PTPN9: variants seen among roughly 807,000 people sequenced by gnomAD.
The protein encoded by PTPN9 is tyrosine-protein phosphatase non-receptor type 9.
In PTPN9, 26 loss-of-function variants were observed where a neutral mutation model predicts 69.8. The ratio of observed to expected loss-of-function variants is 0.37; its 90% CI spans 0.27 to 0.52. The LOEUF (loss-of-function observed/expected upper bound fraction) is 0.52, where lower values mean the gene tolerates loss of function less well. PTPN9 is among the 20% of genes least tolerant of loss of function. PTPN9 has a pLI of 0.91. For synonymous variants in PTPN9, 274 were observed against 272.5 expected (o/e 1.01, Z -0.05); for missense variants, 549 against 740.3 (o/e 0.74, Z 3.00).
chr15:75,527,476 G>C (rs528013236), intron 1 of PTPN9, among the ~76,000 whole-genome samples: 11 of 152,234 alleles, frequency 7.2e-5, no homozygotes, highest in Admixed American at 2.6e-4. Flanking sequence ...GCCAGATCTA[G>C]GTTCAGAAAA....
At chr15:75,556,036 CAAAA>C (rs75583219) in intron 1 of PTPN9, among the ~76,000 whole-genome samples, 1 of 43,280 alleles carries the variant, frequency 2.3e-5, no homozygotes, top group Non-Finnish European at 4.6e-5. Flanking sequence ...ACCCCCGTCT[CAAAA>C]AAAAAAAAAA....
intron 7 of PTPN9, among the ~76,000 whole-genome samples, chr15:75,494,326 C>G (rs984385921): frequency 7.3e-5 from 11 of 151,576 alleles, no homozygotes; most frequent in African/African-American, 2.4e-4. Flanking sequence ...TAAAAGAGGA[C>G]CTACACTAAG....
intron 5 of PTPN9, among the ~76,000 whole-genome samples, chr15:75,515,681 C>G (rs1482873129): frequency 6.6e-6 from 1 of 151,850 alleles, no homozygotes; most frequent in African/African-American, 2.4e-5. Context: ...GTGGATCACC[C>G]CAGGTCAGGA....
chr15:75,534,155 T>C (rs1004876455), intron 1 of PTPN9, among the ~76,000 whole-genome samples: 1 of 152,198 alleles, frequency 6.6e-6, no homozygotes, highest in Admixed American at 6.5e-5. Flanking sequence ...TCACCTTGAA[T>C]GAGAAACGGA....
At chr15:75,519,609 A>G (rs1243411106) in intron 4 of PTPN9, among the ~76,000 whole-genome samples, 2 of 151,500 alleles carry the variant, frequency 1.3e-5, no homozygotes, top group Non-Finnish European at 2.9e-5. Flanking sequence ...TTAAATCTTT[A>G]CTCCTTTTTC....
At chr15:75,574,929 CAAAACTCTGTCTCA>C (rs1267048313) in intron 1 of PTPN9, among the ~76,000 whole-genome samples, 1 of 67,806 alleles carries the variant, frequency 1.5e-5, no homozygotes, top group Non-Finnish European at 3.1e-5. Flanking sequence ...GCAACAAGAG[CAAAACTCTGTCTCA>C]AAAAAAAAAA....
At chr15:75,524,140 AG>A in intron 3 of PTPN9, 68 bp downstream of exon 3, 1 of 766,108 alleles carries the variant, frequency 1.3e-6, no homozygotes, top group Non-Finnish European at 2.0e-6. Flanking sequence ...AAAAAAACAA[AG>A]TCCAAACAGG....
chr15:75,474,079 C>CA (rs766016926), intron 9 of PTPN9, among the ~76,000 whole-genome samples: 6 of 152,210 alleles, frequency 3.9e-5, no homozygotes, highest in Non-Finnish European at 7.3e-5. Context: ...TCCAGGCTGA[C>CA]AGTGTCAAAC....
intron 1 of PTPN9, among the ~76,000 whole-genome samples, chr15:75,557,922 C>A (rs943132254): frequency 6.6e-6 from 1 of 152,020 alleles, no homozygotes; most frequent in Non-Finnish European, 1.5e-5. Context: ...GGGCTGGGCG[C>A]GGTGGCACAC....
At chr15:75,571,716 G>A (rs1328481258) in intron 1 of PTPN9, among the ~76,000 whole-genome samples, 1 of 152,002 alleles carries the variant, frequency 6.6e-6, no homozygotes, top group Non-Finnish European at 1.5e-5. Context: ...CCAACATGGT[G>A]AAACCCCATC....
rs1595955008 is a variant in PTPN9 at position 75,503,778 on chromosome 15, G to A, written c.968+1897C>T. On this transcript the variant is annotated intron_variant, in intron 7 of 12. Transcript: ENST00000618819. The stretch of plus-strand genomic sequence containing the variant: ...CCATCCGGGAGGGAGGTGGGGGGGG[G>A]GTCAGCCCCCCGTCCGGGAGGGAGG... Among the ~76,000 whole-genome samples the A allele has an allele frequency of 4.0e-5, 3 of 75,320 alleles. 1 individual carries two copies. Among genetic ancestry groups the A allele is most frequent in the Admixed American group, 1.3e-4 (1 of 7,470 alleles). 49.4% of individuals were successfully genotyped at this position (75,320 alleles called of 152,430 possible).
Position 75,473,778 on chromosome 15 carries a change from A to G in PTPN9, c.1130-11T>C. 1 of 1,545,572 alleles carries G rather than the reference A, an allele frequency of 6.5e-7. No individual in the cohort carries two copies. On this transcript the variant is annotated splice_polypyrimidine_tract_variant and intron_variant, in intron 9 of 12. Coordinates refer to ENST00000618819, the MANE Select transcript of PTPN9 (RefSeq NM_002833.4). ...TATTCTCCAAAGGACCTGAAATAAA[A>G]GGAGAAGACAAGAAACATGACTCTG...
intron 1 of PTPN9, among the ~76,000 whole-genome samples, chr15:75,566,156 T>C (rs2075125599): frequency 6.6e-6 from 1 of 151,404 alleles, no homozygotes; most frequent in Non-Finnish European, 1.5e-5. Context: ...TTCAGGAACG[T>C]TAAATAAAAC....
chr15:75,504,019 G>T (rs1205198826), intron 7 of PTPN9, among the ~76,000 whole-genome samples: 1 of 135,984 alleles, frequency 7.4e-6, no homozygotes, highest in Admixed American at 7.0e-5. Context: ...GCCCCGTCCG[G>T]GAGGGAGGTG....
chr15:75,477,032 C>G (rs1370076662), intron 9 of PTPN9, among the ~76,000 whole-genome samples: 1 of 152,170 alleles, frequency 6.6e-6, no homozygotes, highest in Non-Finnish European at 1.5e-5. Context: ...TAACAGTAAA[C>G]TTCTCTCAAG....
intron 7 of PTPN9, among the ~76,000 whole-genome samples, chr15:75,495,663 G>C (rs891403368): frequency 2.0e-5 from 3 of 152,026 alleles, no homozygotes; most frequent in African/African-American, 7.3e-5. Flanking sequence ...GTTGCAGTGA[G>C]CCGAGATCGC....
In PTPN9 at chr15:75,505,717, T is replaced by G. The variant is rs200342452; in HGVS notation, c.926A>C (p.Asp309Ala). The G allele has an allele frequency of 6.2e-7, 1 of 1,614,098 alleles. No individual in the cohort carries two copies. Among genetic ancestry groups the G allele is most frequent in the Admixed American group, 1.7e-5 (1 of 59,998 alleles). The change falls in exon 7 of 13, where the codon GAC (aspartate) becomes GCC (alanine). Residue 309 changes from aspartate to alanine, a missense_variant. Asp to Ala is a moderately radical substitution (Grantham distance 126). This residue lies in a region of PTPN9 where 457 missense variants were observed against 661.9 expected (regional missense o/e 0.69). Transcript: ENST00000618819. Reference protein sequence around the residue: ...QKQGIYEEYEDIRRENPVGTF... With the variant: ...QKQGIYEEYEAIRRENPVGTF... Reference sequence around the variant, plus strand: ...GCCAACAGGGTTCTCACGACGAATGTCTTCATATTCCTCATAGATTCCTTG... The same window carrying G: ...GCCAACAGGGTTCTCACGACGAATGGCTTCATATTCCTCATAGATTCCTTG...
intron 1 of PTPN9, among the ~76,000 whole-genome samples, chr15:75,551,717 C>A (rs1042883996): frequency 1.3e-5 from 2 of 152,064 alleles, no homozygotes; most frequent in African/African-American, 2.4e-5. Flanking sequence ...TAGACAGTCC[C>A]CAATTTATGA....
rs998065837 is a variant in PTPN9, at chr15:75,495,922, G to A, written c.969-5621C>T. 3.3e-5 allele frequency among the ~76,000 whole-genome samples: 5 copies of A among 152,146 alleles called. No individual in the cohort carries two copies. The East Asian group carries it at 9.7e-4, about 29-fold the overall frequency. On this transcript the variant is annotated intron_variant, in intron 7 of 12. Transcript: ENST00000618819. ...GGAGGCTGAGGCAGGTGGACTGCCT[G>A]AGCTCAGGAGTTTGGGACCAGCCTG... is the stretch of plus-strand genomic sequence containing the variant.
Sources: allele counts gnomAD v4.1 joint callset (sites outside exome capture counted in the v4.1 genomes callset), GRCh38; gene constraint gnomAD v4.1.1; regional missense constraint gnomAD v4.1.1; transcripts MANE v1.5; gene names NCBI Gene and HGNC (gene_info 2026-07-23, HGNC 2026-07-21).